Variants in ATP6V0E1 observed in about 807,000 individuals in gnomAD.
ATP6V0E1 encodes ATPase H+ transporting V0 subunit e1.
A neutral mutation model predicts 11.6 loss-of-function variants in ATP6V0E1; 4 were observed. That is an observed-to-expected ratio of 0.35 (90% CI 0.17 to 0.79). The LOEUF is 0.79. ATP6V0E1 is among the 30% of genes least tolerant of loss of function. ATP6V0E1 has a pLI of 0.54. For synonymous variants in ATP6V0E1, 36 were observed against 34.8 expected (o/e 1.04, Z -0.13); for missense variants, 105 against 100.0 (o/e 1.05, Z -0.21).
chr5:173,003,620 G>A (rs1455423191), intron 2 of ATP6V0E1, among the ~76,000 whole-genome samples: 3 of 152,164 alleles, frequency 2.0e-5, no homozygotes, highest in Non-Finnish European at 4.4e-5. Context: ...CTGAGGTGAA[G>A]AGAGGCACAC....
Position 172,983,852 on chromosome 5 carries a change from G to A in ATP6V0E1, c.-9G>A. On this transcript the variant is annotated 5_prime_UTR_variant, in exon 1 of 4. Coordinates refer to ENST00000519374, the MANE Select transcript of ATP6V0E1 (RefSeq NM_003945.4). ...CGACGGGGTAGGGGTTGGCGCTCAG[G>A]CGGCGACCATGGCGTATCACGGCCT... 1 of 1,613,524 alleles carries A rather than the reference G, an allele frequency of 6.2e-7. No homozygotes were observed. The highest frequency in any genetic ancestry group is 1.7e-4 in the Middle Eastern group (1 of 5,938).
At chr5:173,014,129 C>A (rs1581632369) in intron 2 of ATP6V0E1, among the ~76,000 whole-genome samples, 1 of 148,262 alleles carries the variant, frequency 6.7e-6, no homozygotes, top group African/African-American at 2.5e-5. Flanking sequence ...CCACTGCACT[C>A]CAGCCTGGGC....
intron 2 of ATP6V0E1, among the ~76,000 whole-genome samples, chr5:173,015,215 C>T (rs569909120): frequency 6.6e-6 from 1 of 152,282 alleles, no homozygotes; most frequent in South Asian, 2.1e-4. Context: ...GCATTGTGAC[C>T]ATAGGCCAAT....
intron 2 of ATP6V0E1, among the ~76,000 whole-genome samples, chr5:172,995,585 T>C (rs1355200661): frequency 6.6e-6 from 1 of 152,148 alleles, no homozygotes; most frequent in Non-Finnish European, 1.5e-5. Flanking sequence ...AATATATGTA[T>C]TGATCACATA....
At position 172,983,774 on chromosome 5, in the gene ATP6V0E1, C is replaced by A; in HGVS notation, c.-87C>A. On this transcript the variant is annotated 5_prime_UTR_variant, in exon 1 of 4. Transcript: ENST00000519374. ...GGGGGCGCGGGAGGCGGGGCTTGCA[C>A]ACGCTGGTCACGCGGTCAGCTATTG... is the stretch of plus-strand genomic sequence containing the variant. The A allele has an allele frequency of 7.4e-7, 1 of 1,347,868 alleles. No homozygotes were observed. Among genetic ancestry groups the A allele is most frequent in the Non-Finnish European group, 1.1e-6 (1 of 949,310 alleles). 83.5% of individuals were successfully genotyped at this position (1,347,868 alleles called of 1,614,324 possible).
In ATP6V0E1 at chr5:173,019,915, G is replaced by C. The variant is rs150241056; in HGVS notation, c.153-323G>C. Among the ~76,000 whole-genome samples, 74 of 152,292 alleles carry C rather than the reference G, an allele frequency of 4.9e-4. 1 individual carries two copies. The East Asian group carries it at 0.013, about 27-fold the overall frequency. The stretch of plus-strand genomic sequence containing the variant: ...TGTGATGATGATAAATTGAGATTAA[G>C]TGAAAACGCTTTGAAGCGAAGATAT... On this transcript the variant is annotated intron_variant, in intron 2 of 3. Coordinates refer to ENST00000519374, the MANE Select transcript of ATP6V0E1 (RefSeq NM_003945.4).
chr5:172,990,783 C>T (rs1281188706), intron 1 of ATP6V0E1, among the ~76,000 whole-genome samples: 5 of 150,872 alleles, frequency 3.3e-5, no homozygotes, highest in Admixed American at 6.6e-5. Flanking sequence ...GTTGAGATTG[C>T]GCCACTGCAC....
At chr5:173,028,227 G>A (rs1024754727) in intron 3 of ATP6V0E1, among the ~76,000 whole-genome samples, 4 of 152,194 alleles carry the variant, frequency 2.6e-5, no homozygotes, top group Non-Finnish European at 4.4e-5. Flanking sequence ...TAGTGGTATC[G>A]TAACCTAAGA....
chr5:173,014,673 A>T (rs191131961), intron 2 of ATP6V0E1, among the ~76,000 whole-genome samples: 1 of 152,168 alleles, frequency 6.6e-6, no homozygotes, highest in Admixed American at 6.5e-5. Context: ...AAAAAATTTG[A>T]TGTCAAAGAC....
chr5:173,002,227 C>T (rs1320206748), intron 2 of ATP6V0E1, among the ~76,000 whole-genome samples: 1 of 152,144 alleles, frequency 6.6e-6, no homozygotes, highest in Non-Finnish European at 1.5e-5. Flanking sequence ...CCATTATGCA[C>T]AAAAAACTTA....
chr5:173,022,529 G>C (rs1756501553), intron 3 of ATP6V0E1, among the ~76,000 whole-genome samples: 1 of 152,140 alleles, frequency 6.6e-6, no homozygotes. Flanking sequence ...ACCTAGGCTG[G>C]AGTACAGTTG....
At chr5:173,009,598 G>A (rs765554796) in intron 2 of ATP6V0E1, among the ~76,000 whole-genome samples, 1 of 151,028 alleles carries the variant, frequency 6.6e-6, no homozygotes, top group Non-Finnish European at 1.5e-5. Flanking sequence ...CGGAGTAGCT[G>A]GGATTACAGG....
chr5:173,017,516 G>T (rs1459338545), intron 2 of ATP6V0E1, among the ~76,000 whole-genome samples: 2 of 131,290 alleles, frequency 1.5e-5, no homozygotes, highest in East Asian at 4.8e-4. Context: ...CCTGGGTGAC[G>T]AGAGTGAGAC....
At chr5:172,991,847 T>A (rs1230070060) in intron 1 of ATP6V0E1, among the ~76,000 whole-genome samples, 1 of 152,214 alleles carries the variant, frequency 6.6e-6, no homozygotes, top group Non-Finnish European at 1.5e-5. Flanking sequence ...CTTTCTCTGC[T>A]TTCTTTTTGC....
intron 1 of ATP6V0E1, among the ~76,000 whole-genome samples, chr5:172,985,542 G>A (rs888971776): frequency 1.3e-5 from 2 of 152,140 alleles, no homozygotes; most frequent in African/African-American, 4.8e-5. Context: ...TTTTCCTACT[G>A]GAGTTAGCGA....
At chr5:172,984,209 A>AT (rs1314317715) in intron 1 of ATP6V0E1, among the ~76,000 whole-genome samples, 8 of 152,092 alleles carry the variant, frequency 5.3e-5, no homozygotes, top group Admixed American at 1.3e-4. Flanking sequence ...TTTCAGGGGA[A>AT]TTTTTTCTCA....
chr5:173,006,648 G>C (rs1394184953), intron 2 of ATP6V0E1, among the ~76,000 whole-genome samples: 1 of 152,106 alleles, frequency 6.6e-6, no homozygotes, highest in Non-Finnish European at 1.5e-5. Context: ...ACTCTACTCT[G>C]GATGGGCCTT....
intron 1 of ATP6V0E1, among the ~76,000 whole-genome samples, chr5:172,989,307 C>G (rs894674693): frequency 6.6e-6 from 1 of 152,092 alleles, no homozygotes; most frequent in Non-Finnish European, 1.5e-5. Context: ...CCACTGCATT[C>G]TAGCCTAGGC....
Position 173,034,424 on chromosome 5 carries a change from A to T in ATP6V0E1, c.*62A>T. On this transcript the variant is annotated 3_prime_UTR_variant, in exon 4 of 4. Transcript: ENST00000519374. Reference sequence around the variant, plus strand: ...GTCACGAGAAGAGAATGCCTTCTAGATGCAAAATCACCTCCAAACCAGACC... The same window carrying T: ...GTCACGAGAAGAGAATGCCTTCTAGTTGCAAAATCACCTCCAAACCAGACC... 1.4e-6 allele frequency: 1 copy of T among 703,012 alleles called. No individual in the cohort carries two copies. Among genetic ancestry groups the T allele is most frequent in the Non-Finnish European group, 2.6e-6 (1 of 384,990 alleles). The allele number at this position is 703,012 out of a possible 1,614,324, so 43.5% of individuals were successfully genotyped here.
Sources: allele counts gnomAD v4.1 joint callset (sites outside exome capture counted in the v4.1 genomes callset), GRCh38; gene constraint gnomAD v4.1.1; transcripts MANE v1.5; gene names NCBI Gene and HGNC (gene_info 2026-07-23, HGNC 2026-07-21).